LINC00632: variants seen among roughly 807,000 people sequenced by gnomAD.
LINC00632 encodes the protein ALDOA related specific transcript.
intron 3 of LINC00632, among the ~76,000 whole-genome samples, chrX:140,766,407 G>A (rs57987822): frequency 0.09 from 10,042 of 111,718 alleles, 1,070 homozygotes; most frequent in African/African-American, 0.31. Context: ...GAAAGAGAGT[G>A]AAGATGTTCC....
chrX:140,726,179 C>T (rs1930958158), intron 2 of LINC00632, among the ~76,000 whole-genome samples: 2 of 111,169 alleles, frequency 1.8e-5, no homozygotes, highest in Non-Finnish European at 3.8e-5. Context: ...TCAGACTTAC[C>T]TTATGGCACC....
chrX:140,714,845 A>G (rs867006341), intron 2 of LINC00632: 1 of 88,588 alleles, frequency 1.1e-5, no homozygotes, highest in African/African-American at 4.2e-5. Context: ...AAAATAAAAA[A>G]AAAAACAACC....
At chrX:140,736,483 C>T (rs1306271116) in intron 3 of LINC00632, among the ~76,000 whole-genome samples, 1 of 95,416 alleles carries the variant, frequency 1.0e-5, no homozygotes, top group Non-Finnish European at 2.0e-5. Context: ...TGTTGCCAGC[C>T]TGGAGTGCAG....
chrX:140,765,551 A>G (rs1389941716), intron 3 of LINC00632, among the ~76,000 whole-genome samples: 2 of 112,150 alleles, frequency 1.8e-5, no homozygotes, highest in African/African-American at 6.5e-5. Flanking sequence ...GGACGCCTCT[A>G]TGCTTAGAGA....
chrX:140,751,600 A>T (rs1302547768), intron 3 of LINC00632, among the ~76,000 whole-genome samples: 20 of 111,786 alleles, frequency 1.8e-4, no homozygotes, highest in Non-Finnish European at 1.1e-4. Context: ...TTCAGAGGAA[A>T]CAAGAATAGT....
intron 3 of LINC00632, among the ~76,000 whole-genome samples, chrX:140,756,122 C>T (rs1164096720): frequency 9.0e-6 from 1 of 111,358 alleles, no homozygotes; most frequent in Non-Finnish European, 1.9e-5. Context: ...GGGGATAGTA[C>T]TATTAAGTCA....
At chrX:140,782,223 C>T (rs748366878) in exon 5 of LINC00632, among the ~76,000 whole-genome samples, 7 of 112,068 alleles carry the variant, frequency 6.2e-5, no homozygotes, top group Middle Eastern at 9.1e-3. Flanking sequence ...TAATACACAA[C>T]TCTTTGAATA....
chrX:140,789,353 T>G (rs1465661821), exon 5 of LINC00632, among the ~76,000 whole-genome samples: 3 of 111,078 alleles, frequency 2.7e-5, no homozygotes, highest in Non-Finnish European at 3.8e-5. Flanking sequence ...TATTCAATTC[T>G]TTCCACATTA....
exon 5 of LINC00632, chrX:140,784,258 T>TGTCTTCCAACAAAGGTAC (rs762325948): frequency 1.7e-5 from 21 of 1,209,824 alleles, no homozygotes; most frequent in African/African-American, 7.0e-5. Context: ...AGCCTACTTG[T>TGTCTTCCAACAAAGGTAC]GTCTTCCAAC....
intron 3 of LINC00632, among the ~76,000 whole-genome samples, chrX:140,735,775 A>G (rs1931134813): frequency 9.0e-6 from 1 of 111,091 alleles, no homozygotes; most frequent in African/African-American, 3.3e-5. Context: ...CATGTTTGTC[A>G]GGCTGGTCTC....
At chrX:140,729,445 T>G (rs1366790255) in intron 2 of LINC00632, among the ~76,000 whole-genome samples, 1 of 110,688 alleles carries the variant, frequency 9.0e-6, no homozygotes, top group African/African-American at 3.3e-5. Flanking sequence ...ATGCAAAGAT[T>G]GCCCCATCAC....
chrX:140,728,231 ACT>A (rs1378467060), intron 2 of LINC00632, among the ~76,000 whole-genome samples: 1 of 102,537 alleles, frequency 9.8e-6, no homozygotes, highest in Non-Finnish European at 2.0e-5. Flanking sequence ...CAAGAGTGAA[ACT>A]CTGTCTCAAA....
intron 2 of LINC00632, among the ~76,000 whole-genome samples, chrX:140,726,254 C>T (rs910425057): frequency 9.0e-6 from 1 of 111,416 alleles, no homozygotes; most frequent in African/African-American, 3.3e-5. Flanking sequence ...AATATATTTA[C>T]ATGTCCATGC....
intron 2 of LINC00632, among the ~76,000 whole-genome samples, chrX:140,723,557 AC>A (rs1187728927): frequency 4.2e-4 from 1 of 2,396 alleles, no homozygotes; most frequent in African/African-American, 1.5e-3. Context: ...ATACACATAC[AC>A]AGACACACAT....
exon 5 of LINC00632, among the ~76,000 whole-genome samples, chrX:140,789,209 TAGA>T (rs202191068): frequency 8.4e-4 from 91 of 108,749 alleles, no homozygotes; most frequent in African/African-American, 2.7e-3. Context: ...GTTATAATAA[TAGA>T]ATAATAATAT....
chrX:140,782,281 CT>C (rs1026327843), exon 5 of LINC00632: 1 of 111,786 alleles, frequency 8.9e-6, no homozygotes, highest in African/African-American at 3.2e-5. Flanking sequence ...AAGATTAAGC[CT>C]TTCTGTTCTT....
intron 3 of LINC00632, among the ~76,000 whole-genome samples, chrX:140,771,068 A>C (rs920078807): frequency 9.0e-6 from 1 of 111,329 alleles, no homozygotes. Flanking sequence ...ACACTTGTGG[A>C]TGGATAGTCA....
intron 3 of LINC00632, among the ~76,000 whole-genome samples, chrX:140,770,632 A>G (rs943759688): frequency 3.6e-5 from 4 of 112,224 alleles, no homozygotes; most frequent in Non-Finnish European, 7.5e-5. Context: ...TCGACAAAAC[A>G]TATATTTATT....
chrX:140,729,877 C>CTTTTT (rs1207034823), intron 2 of LINC00632, among the ~76,000 whole-genome samples: 2 of 90,860 alleles, frequency 2.2e-5, no homozygotes, highest in Non-Finnish European at 4.3e-5. Flanking sequence ...TTTCTTTTTT[C>CTTTTT]TTTTTTTTTT....
Sources: gnomAD v4.1 joint callset for allele counts (sites outside exome capture counted in the v4.1 genomes callset) on GRCh38, gnomAD v4.1.1 for gene constraint, MANE v1.5 for transcripts, NCBI Gene and HGNC (gene_info 2026-07-23, HGNC 2026-07-21) for gene names.